Variants in DLGAP2 observed in about 807,000 individuals in gnomAD.
DLGAP2 encodes disks large-associated protein 2.
Under a neutral mutation model 100.3 loss-of-function variants are expected in DLGAP2, and 26 were observed. The ratio of observed to expected loss-of-function variants is 0.26; its 90% CI spans 0.19 to 0.36. DLGAP2 has a LOEUF of 0.36. Among genes scored for constraint, DLGAP2 ranks in the 10% least tolerant of loss-of-function variants. The probability of loss-of-function intolerance (pLI) is 1.00; values close to 1 mark genes in which losing one functional copy is unlikely to be tolerated. For missense variants in DLGAP2, 1,858 were observed against 1,453.2 expected, an observed-to-expected ratio of 1.28 and a Z score of -4.53; for synonymous variants, 886 against 630.1, an observed-to-expected ratio of 1.41 and a Z score of -6.08.
intron 6 of DLGAP2, among the ~76,000 whole-genome samples, chr8:1,591,108 C>T (rs774105370): frequency 4.0e-4 from 61 of 152,342 alleles, no homozygotes; most frequent in Non-Finnish European, 6.2e-4. Flanking sequence ...TGCACTCAAT[C>T]TCAGGTGCAG....
chr8:947,339 G>A (rs1173065165), intron 2 of DLGAP2, among the ~76,000 whole-genome samples: 3 of 152,242 alleles, frequency 2.0e-5, no homozygotes, highest in Non-Finnish European at 2.9e-5. Context: ...TGGCAGCAGA[G>A]GGGTCCTGTC....
intron 4 of DLGAP2, among the ~76,000 whole-genome samples, chr8:1,513,317 G>A (rs530356360): frequency 6.1e-5 from 8 of 131,974 alleles, no homozygotes; most frequent in African/African-American, 2.3e-4. Flanking sequence ...GTGCAAGGGA[G>A]GACGGGAGAG....
At chr8:1,552,964 T>C (rs1045265781) in intron 5 of DLGAP2, among the ~76,000 whole-genome samples, 1 of 152,216 alleles carries the variant, frequency 6.6e-6, no homozygotes, top group Admixed American at 6.5e-5. Context: ...GGTCAAACTT[T>C]TCATGAGCAT....
chr8:1,161,541 A>C (rs1254954235), intron 2 of DLGAP2, among the ~76,000 whole-genome samples: 2 of 152,210 alleles, frequency 1.3e-5, no homozygotes, highest in Non-Finnish European at 2.9e-5. Flanking sequence ...CCTAGCAGAC[A>C]CACACTCACA....
rs553334968 is a variant in DLGAP2 at position 1,343,701 on chromosome 8, G to C, written c.106+84818G>C. Among the ~76,000 whole-genome samples, 12 of 128,498 alleles carry C rather than the reference G, an allele frequency of 9.3e-5. No individual in the cohort carries two copies. In the Admixed American group the frequency reaches 9.7e-4, roughly 10 times the overall value. 84.3% of individuals were successfully genotyped at this position (128,498 alleles called of 152,430 possible). On this transcript the variant is annotated intron_variant, in intron 3 of 14. Coordinates refer to ENST00000637795, the MANE Select transcript of DLGAP2 (RefSeq NM_001346810.2). Reference sequence around the variant, plus strand: ...TCAGCTTTTGGAGCAGTTTGCATCTGGGGGGTCGTGGGGGGTGTTAGAGGC... The same window carrying C: ...TCAGCTTTTGGAGCAGTTTGCATCTCGGGGGTCGTGGGGGGTGTTAGAGGC...
intron 2 of DLGAP2, among the ~76,000 whole-genome samples, chr8:1,089,394 C>G (rs918870159): frequency 6.6e-6 from 1 of 152,248 alleles, no homozygotes; most frequent in Non-Finnish European, 1.5e-5. Context: ...GCATGCTGCC[C>G]TCACTCATAA....
At chr8:1,084,491 C>A (rs1352511077) in intron 2 of DLGAP2, among the ~76,000 whole-genome samples, 1 of 152,210 alleles carries the variant, frequency 6.6e-6, no homozygotes, top group Non-Finnish European at 1.5e-5. Context: ...GACTTGCCCT[C>A]CTGTCCGAGG....
Position 1,024,233 on chromosome 8 carries a change from A to G in DLGAP2, c.73+116267A>G, listed in dbSNP as rs117827690. 7.4e-3 allele frequency among the ~76,000 whole-genome samples: 529 copies of G among 71,298 alleles called. 15 individuals are homozygous for G. Among genetic ancestry groups the G allele is most frequent in the South Asian group, 0.031 (56 of 1,806 alleles). 46.8% of individuals were successfully genotyped at this position (71,298 alleles called of 152,430 possible). A position where few individuals can be genotyped will look rare whatever the true frequency, so the allele number is the denominator to read the frequency against. Reference sequence around the variant, plus strand: ...TCCAAACACCACCCACCCTCCCTGGAAGTGGACAGCCCCGTGCCGAGGCAG... The same window carrying G: ...TCCAAACACCACCCACCCTCCCTGGGAGTGGACAGCCCCGTGCCGAGGCAG... On this transcript the variant is annotated intron_variant, in intron 2 of 14. Transcript: ENST00000637795.
intron 2 of DLGAP2, among the ~76,000 whole-genome samples, chr8:1,041,405 C>G (rs1335293978): frequency 6.6e-6 from 1 of 152,168 alleles, no homozygotes; most frequent in African/African-American, 2.4e-5. Flanking sequence ...CAGAGGCACT[C>G]GGGAGGAGAC....
intron 6 of DLGAP2, among the ~76,000 whole-genome samples, chr8:1,581,760 C>T (rs1368285265): frequency 6.6e-6 from 1 of 151,664 alleles, no homozygotes; most frequent in Non-Finnish European, 1.5e-5. Context: ...ACACACACCA[C>T]AGTCAAACTA....
intron 2 of DLGAP2, among the ~76,000 whole-genome samples, chr8:1,184,363 CT>C (rs1175436021): frequency 6.6e-6 from 1 of 152,214 alleles, no homozygotes; most frequent in African/African-American, 2.4e-5. Context: ...GTGGGCGCTT[CT>C]GGGGAGCGGC....
intron 5 of DLGAP2, among the ~76,000 whole-genome samples, chr8:1,560,907 G>C (rs970918480): frequency 6.6e-6 from 1 of 152,206 alleles, no homozygotes; most frequent in African/African-American, 2.4e-5. Context: ...CAGCTCTGCG[G>C]TGTCATCTGT....
At chr8:1,377,347 A>C (rs1340204347) in intron 3 of DLGAP2, among the ~76,000 whole-genome samples, 1 of 152,202 alleles carries the variant, frequency 6.6e-6, no homozygotes, top group Admixed American at 6.5e-5. Context: ...GATCGAGACC[A>C]TCCTGGGTAA....
Position 1,467,238 on chromosome 8 carries a change from T to A in DLGAP2, c.107-34128T>A, listed in dbSNP as rs539539375. ...CTTCTCTGTTGGATGTCACTGAGTGTCCTTCACCACGGTCCCTCCCCCCAG... is the reference window on the plus strand; with the variant it reads ...CTTCTCTGTTGGATGTCACTGAGTGACCTTCACCACGGTCCCTCCCCCCAG... On this transcript the variant is annotated intron_variant, in intron 3 of 14. Coordinates refer to ENST00000637795, the MANE Select transcript of DLGAP2 (RefSeq NM_001346810.2). Among the ~76,000 whole-genome samples the A allele has an allele frequency of 2.7e-5, 4 of 148,118 alleles. No homozygotes were observed. In the South Asian group the frequency reaches 8.3e-4, roughly 31 times the overall value.
chr8:1,076,401 A>G (rs911577174), intron 2 of DLGAP2, among the ~76,000 whole-genome samples: 2 of 152,220 alleles, frequency 1.3e-5, no homozygotes, highest in Non-Finnish European at 2.9e-5. Flanking sequence ...GTTTCCATGC[A>G]GGAGACGTAC....
Position 1,523,817 on chromosome 8 carries a change from G to A in DLGAP2, c.172+22386G>A, listed in dbSNP as rs184046512. On this transcript the variant is annotated intron_variant, in intron 4 of 14. Transcript: ENST00000637795. ...GGTGGCCTCCCAGCAGTTCCTGCAC[G>A]TCACAGCATTTAAAAGAAATCCAGT... Among the ~76,000 whole-genome samples, 253 of 152,306 alleles carry A rather than the reference G, an allele frequency of 1.7e-3. 3 individuals are homozygous for A. The highest frequency in any genetic ancestry group is 3.4e-3 in the Middle Eastern group (1 of 294).
chr8:1,472,241 G>A (rs1442374613), intron 3 of DLGAP2, among the ~76,000 whole-genome samples: 1 of 152,188 alleles, frequency 6.6e-6, no homozygotes, highest in Non-Finnish European at 1.5e-5. Flanking sequence ...GGGGAGGGGG[G>A]TTGAGCCATG....
chr8:1,278,112 C>G (rs1042292712), intron 3 of DLGAP2, among the ~76,000 whole-genome samples: 13 of 152,176 alleles, frequency 8.5e-5, no homozygotes, highest in Non-Finnish European at 7.3e-5. Context: ...ATACCTCACG[C>G]CAGGTCAGGT....
intron 4 of DLGAP2, among the ~76,000 whole-genome samples, chr8:1,520,066 T>C (rs1482383619): frequency 1.3e-5 from 2 of 152,150 alleles, no homozygotes; most frequent in Non-Finnish European, 2.9e-5. Flanking sequence ...CACTGAGAGC[T>C]CTCTCTGCCC....
Sources: gnomAD v4.1 joint callset for allele counts (sites outside exome capture counted in the v4.1 genomes callset) on GRCh38, gnomAD v4.1.1 for gene constraint, MANE v1.5 for transcripts, NCBI Gene and HGNC (gene_info 2026-07-23, HGNC 2026-07-21) for gene names.